CXCL14: variants seen among roughly 807,000 people sequenced by gnomAD.
CXCL14 encodes C-X-C motif chemokine 14.
CXCL14 carries 9 observed loss-of-function variants against 16.1 expected under a neutral mutation model. That is an observed-to-expected ratio of 0.56 (90% CI 0.34 to 0.97). CXCL14 has a LOEUF of 0.97. Ranked by LOEUF, CXCL14 falls within the 50% of genes least tolerant of loss-of-function variation. The pLI, the probability that CXCL14 is intolerant of heterozygous loss-of-function variation, is 0.02. For synonymous variants in CXCL14, 55 were observed against 52.8 expected, an observed-to-expected ratio of 1.04 and a Z score of -0.18; for missense variants, 111 against 132.5, an observed-to-expected ratio of 0.84 and a Z score of 0.80.
chr5:135,570,719 A>G lies in CXCL14; in HGVS notation c.*1134T>C, dbSNP rs1023703697. 3 of 150,976 alleles carry G rather than the reference A, an allele frequency of 2.0e-5. No homozygotes were observed. The highest frequency in any genetic ancestry group is 7.4e-5 in the African/African-American group (3 of 40,308). 9.4% of individuals were successfully genotyped at this position (150,976 alleles called of 1,614,324 possible). On this transcript the variant is annotated 3_prime_UTR_variant, in exon 4 of 4. Coordinates refer to ENST00000512158, the MANE Select transcript of CXCL14 (RefSeq NM_004887.5). ...AATATATTTTATTACTTTCCATCTT[A>G]GAAAGAATATGAAACCTGCATGCAA... is the stretch of plus-strand genomic sequence containing the variant.
At chr5:135,571,917 C>G in intron 3 of CXCL14, 49 bp from the exon 4 acceptor site, 2 of 1,603,782 alleles carry the variant, frequency 1.2e-6, no homozygotes, top group Non-Finnish European at 1.7e-6. Context: ...TGAGGCAGGC[C>G]GTTCACAAGA....
chr5:135,573,767 A>G (rs996312926), intron 3 of CXCL14, among the ~76,000 whole-genome samples: 3 of 151,200 alleles, frequency 2.0e-5, no homozygotes, highest in Admixed American at 6.6e-5. Context: ...TATGCAGGCA[A>G]ATGTGTAAAC....
intron 3 of CXCL14, among the ~76,000 whole-genome samples, chr5:135,573,841 G>A (rs1463407747): frequency 6.6e-6 from 1 of 152,034 alleles, no homozygotes; most frequent in African/African-American, 2.4e-5. Context: ...GGGGAGCTAG[G>A]AACTGGATTC....
At chr5:135,574,158 T>C (rs1351354996) in intron 3 of CXCL14, among the ~76,000 whole-genome samples, 1 of 152,238 alleles carries the variant, frequency 6.6e-6, no homozygotes. Context: ...CGCAGTTTTA[T>C]AGCCAACATA....
chr5:135,578,681 C>T lies in CXCL14; in HGVS notation c.64+34G>A, dbSNP rs376803763. 5.8e-6 allele frequency: 9 copies of T among 1,556,036 alleles called. No individual in the cohort carries two copies. The African/African-American group carries it at 9.5e-5, about 16-fold the overall frequency. On this transcript the variant is annotated intron_variant, in intron 1 of 3. Coordinates refer to ENST00000512158, the MANE Select transcript of CXCL14 (RefSeq NM_004887.5). ...TTGGGTTCCCCAGGACAGGACAAGA[C>T]GAGACGGCGACAAGGGGAGCTCCCC...
rs1226007191 is a variant in CXCL14, at chr5:135,571,159, A to G, written c.*694T>C. Reference sequence around the variant, plus strand: ...TTCAGAAATCCTCAGGTTGGGAAAGACCCCACACCTTCTTTAAGGATCATT... The same window carrying G: ...TTCAGAAATCCTCAGGTTGGGAAAGGCCCCACACCTTCTTTAAGGATCATT... On this transcript the variant is annotated 3_prime_UTR_variant, in exon 4 of 4. Transcript: ENST00000512158. The G allele has an allele frequency of 1.3e-5, 2 of 152,190 alleles. No individual in the cohort carries two copies. Among genetic ancestry groups the G allele is most frequent in the African/African-American group, 4.8e-5 (2 of 41,440 alleles). 9.4% of individuals were successfully genotyped at this position (152,190 alleles called of 1,614,324 possible).
chr5:135,571,765 T>TAATATGAAAA lies in CXCL14; in HGVS notation c.*87_*88insTTTTCATATT. On this transcript the variant is annotated 3_prime_UTR_variant, in exon 4 of 4. Coordinates refer to ENST00000512158, the MANE Select transcript of CXCL14 (RefSeq NM_004887.5). ...GGCTTTTTTTTTTTTTTTTTTTTTT[T>TAATATGAAAA]TTTTTTTTTTTTTTTTTTTTAATCT... 1 of 190,542 alleles carries TAATATGAAAA rather than the reference T, an allele frequency of 5.2e-6. No individual in the cohort carries two copies. 11.8% of individuals were successfully genotyped at this position (190,542 alleles called of 1,614,324 possible).
intron 2 of CXCL14, among the ~76,000 whole-genome samples, chr5:135,576,431 C>CAGGGAGAGCAGGA (rs1751100114): frequency 6.6e-6 from 1 of 152,184 alleles, no homozygotes; most frequent in Non-Finnish European, 1.5e-5. Context: ...TCCTGAAGGT[C>CAGGGAGAGCAGGA]AGGGAGAGCA....
In CXCL14 at chr5:135,571,066, A is replaced by C. The variant is rs2126863576; in HGVS notation, c.*787T>G. On this transcript the variant is annotated 3_prime_UTR_variant, in exon 4 of 4. Coordinates refer to ENST00000512158, the MANE Select transcript of CXCL14 (RefSeq NM_004887.5). ...TCATATATTTTTAAGTTTTCTCCTA[A>C]GGTTTTTGCTGACAGTGTTGGGAAC... 2 of 152,288 alleles carry C rather than the reference A, an allele frequency of 1.3e-5. No individual in the cohort carries two copies. Among genetic ancestry groups the C allele is most frequent in the Non-Finnish European group, 2.9e-5 (2 of 68,030 alleles). 9.4% of individuals were successfully genotyped at this position (152,288 alleles called of 1,614,324 possible).
intron 2 of CXCL14, among the ~76,000 whole-genome samples, chr5:135,576,703 A>C (rs902367831): frequency 2.6e-5 from 4 of 152,092 alleles, no homozygotes; most frequent in Non-Finnish European, 5.9e-5. Flanking sequence ...TTCTGGGTGC[A>C]AGGACTCCCA....
chr5:135,571,532 A>G lies in CXCL14; in HGVS notation c.*321T>C. ...TCAGATGTATAGTGACGTATGGACA[A>G]ATACAAAAAAGCATTTTTTAAAAAG... On this transcript the variant is annotated 3_prime_UTR_variant, in exon 4 of 4. Transcript: ENST00000512158. 2.8e-6 allele frequency: 1 copy of G among 358,194 alleles called. No individual in the cohort carries two copies. Among genetic ancestry groups the G allele is most frequent in the Non-Finnish European group, 5.0e-6 (1 of 199,766 alleles). The allele number at this position is 358,194 out of a possible 1,614,324, so 22.2% of individuals were successfully genotyped here.
At chr5:135,573,144 C>T (rs1246870350) in intron 3 of CXCL14, among the ~76,000 whole-genome samples, 2 of 152,094 alleles carry the variant, frequency 1.3e-5, no homozygotes. Context: ...TTTGAGTATC[C>T]CCCAGCAATC....
At chr5:135,574,023 G>A (rs888498115) in intron 3 of CXCL14, among the ~76,000 whole-genome samples, 3 of 152,220 alleles carry the variant, frequency 2.0e-5, no homozygotes, top group African/African-American at 7.2e-5. Flanking sequence ...CAAACCTGTG[G>A]TGCCTTCCAG....
intron 3 of CXCL14, among the ~76,000 whole-genome samples, chr5:135,572,095 A>G (rs137858205): frequency 6.6e-6 from 1 of 151,942 alleles, no homozygotes; most frequent in African/African-American, 2.4e-5. Context: ...CTGCAATCTC[A>G]CTTCTGCAAT....
In CXCL14 at chr5:135,570,862, A is replaced by G. The variant is rs995380731; in HGVS notation, c.*991T>C. Reference sequence around the variant, plus strand: ...GGTATATGTACAGAGGAAAGGGCGCATGGTCATCTTAGCTTTCGAAAGAGG... The same window carrying G: ...GGTATATGTACAGAGGAAAGGGCGCGTGGTCATCTTAGCTTTCGAAAGAGG... On this transcript the variant is annotated 3_prime_UTR_variant, in exon 4 of 4. Coordinates refer to ENST00000512158, the MANE Select transcript of CXCL14 (RefSeq NM_004887.5). 5 of 152,230 alleles carry G rather than the reference A, an allele frequency of 3.3e-5. No individual in the cohort carries two copies. Among genetic ancestry groups the G allele is most frequent in the African/African-American group, 7.2e-5 (3 of 41,428 alleles). 9.4% of individuals were successfully genotyped at this position (152,230 alleles called of 1,614,324 possible).
At chr5:135,578,351 T>C in intron 2 of CXCL14, 83 bp downstream of exon 2, 1 of 1,188,362 alleles carries the variant, frequency 8.4e-7, no homozygotes, top group South Asian at 1.3e-5. Flanking sequence ...AAATGTTTGT[T>C]AGCCCGACCC....
intron 2 of CXCL14, among the ~76,000 whole-genome samples, chr5:135,574,899 A>G (rs1751076725): frequency 6.6e-6 from 1 of 152,040 alleles, no homozygotes; most frequent in African/African-American, 2.4e-5. Flanking sequence ...GTTAGGGCCT[A>G]ACCCTGTATG....
At chr5:135,577,481 C>G (rs377522122) in intron 2 of CXCL14, among the ~76,000 whole-genome samples, 2 of 152,188 alleles carry the variant, frequency 1.3e-5, no homozygotes, top group Non-Finnish European at 1.5e-5. Flanking sequence ...AGCCCCTAGA[C>G]GGGGATGGGG....
At chr5:135,572,023 G>A (rs559893542) in intron 3 of CXCL14, among the ~76,000 whole-genome samples, 155 bp from the exon 4 acceptor site, 2 of 152,236 alleles carry the variant, frequency 1.3e-5, no homozygotes, top group African/African-American at 4.8e-5. Context: ...GGATCCTTCT[G>A]AGGATGTGGT....
Sources: gnomAD v4.1 joint callset for allele counts (sites outside exome capture counted in the v4.1 genomes callset) on GRCh38, gnomAD v4.1.1 for gene constraint, MANE v1.5 for transcripts, NCBI Gene and HGNC (gene_info 2026-07-23, HGNC 2026-07-21) for gene names.